Variants in MSANTD1 observed in about 807,000 individuals in gnomAD.
MSANTD1 encodes myb/SANT-like DNA-binding domain-containing protein 1.
In MSANTD1, 7 loss-of-function variants were observed where a neutral mutation model predicts 24.2. That is an observed-to-expected ratio of 0.29 (90% CI 0.16 to 0.54). The LOEUF (loss-of-function observed/expected upper bound fraction) is 0.54, where lower values mean the gene tolerates loss of function less well. Among genes scored for constraint, MSANTD1 ranks in the 20% least tolerant of loss-of-function variants. The probability of loss-of-function intolerance (pLI) is 0.94; values close to 1 mark genes in which losing one functional copy is unlikely to be tolerated. For synonymous variants in MSANTD1, 177 were observed against 181.1 expected, an observed-to-expected ratio of 0.98 and a Z score of 0.18; for missense variants, 384 against 408.2, an observed-to-expected ratio of 0.94 and a Z score of 0.51.
At chr4:3,248,945 G>A (rs1241162984), upstream of MSANTD1, 4 of 347,432 alleles carry the variant, frequency 1.2e-5, no homozygotes, top group African/African-American at 2.1e-5. Flanking sequence ...CCGCCTGGGC[G>A]GCGGTGAGAG....
intron 1 of MSANTD1, 104 bp from the exon 2 acceptor site, chr4:3,253,103 C>T (rs1422712138): frequency 9.6e-6 from 12 of 1,246,334 alleles, no homozygotes; most frequent in Non-Finnish European, 1.2e-5. Flanking sequence ...CCGAGAGCGG[C>T]TCCTGCCTGT....
At chr4:3,255,649 C>T (rs914569190) in intron 2 of MSANTD1, 76 bp from the exon 3 acceptor site, 13 of 1,434,170 alleles carry the variant, frequency 9.1e-6, no homozygotes, top group East Asian at 5.1e-5. Flanking sequence ...GTAGGATTGT[C>T]GGGAGGGTCC....
rs199592772 is a variant in MSANTD1 at position 3,255,780 on chromosome 4, A to C, written c.652A>C (p.Lys218Gln). 755 of 1,547,044 alleles carry C rather than the reference A, an allele frequency of 4.9e-4. 2 individuals are homozygous for C. Among genetic ancestry groups the C allele is most frequent in the Admixed American group, 1.7e-3 (89 of 51,008 alleles). Residue 218 changes from lysine (K) to glutamine (Q), a missense_variant, in exon 3 of 3, where the codon AAG becomes CAG. Physicochemically the swap from Lys to Gln is moderately conservative, Grantham distance 53. Transcript: ENST00000438480. Reference protein sequence around the residue: ...RKVQSCHLQKKQLRLLEAMVE... With the variant: ...RKVQSCHLQKQQLRLLEAMVE... Reference sequence around the variant, plus strand: ...GGTGCAGAGCTGCCACCTGCAGAAGAAGCAGCTGCGGCTGCTGGAGGCCAT... The same window carrying C: ...GGTGCAGAGCTGCCACCTGCAGAAGCAGCAGCTGCGGCTGCTGGAGGCCAT...
At chr4:3,253,125 G>T (rs1006405189) in intron 1 of MSANTD1, 82 bp from the exon 2 acceptor site, 1 of 1,374,998 alleles carries the variant, frequency 7.3e-7, no homozygotes, top group Non-Finnish European at 9.6e-7. Flanking sequence ...CCGGCGTGGC[G>T]CGCCCCTCTG....
upstream of MSANTD1, chr4:3,248,582 C>T (rs1178622677): frequency 6.6e-6 from 1 of 152,520 alleles, no homozygotes; most frequent in Non-Finnish European, 1.5e-5. Flanking sequence ...CTTCCAGTGT[C>T]CACAGACCTA....
At chr4:3,255,118 A>C (rs1722346994) in intron 2 of MSANTD1, among the ~76,000 whole-genome samples, 1 of 152,182 alleles carries the variant, frequency 6.6e-6, no homozygotes, top group Non-Finnish European at 1.5e-5. Flanking sequence ...GCAGCCCAGA[A>C]CATCCCACCC....
rs147328965 is a variant in MSANTD1 at position 3,249,369 on chromosome 4, C to A, written c.147C>A (p.Ala49=). 1 of 1,568,144 alleles carries A rather than the reference C, an allele frequency of 6.4e-7. No individual in the cohort carries two copies. Among genetic ancestry groups the A allele is most frequent in the Non-Finnish European group, 8.6e-7 (1 of 1,157,064 alleles). Residue 49 remains alanine (A), a synonymous_variant, in exon 1 of 3, where the codon GCC becomes GCA. Transcript: ENST00000438480. ...KHRRARNWTD[A]EMRGLMLVWE... ...GGCGGGCCCGCAACTGGACGGACGC[C>A]GAGATGCGCGGCCTCATGCTGGTCT...
intron 2 of MSANTD1, 94 bp from the exon 3 acceptor site, chr4:3,255,631 T>A: frequency 7.1e-7 from 1 of 1,407,990 alleles, no homozygotes; most frequent in Non-Finnish European, 9.3e-7. Flanking sequence ...AGTTTCCCCA[T>A]TTGCCCAGTA....
intron 1 of MSANTD1, 28 bp downstream of exon 1, chr4:3,249,570 C>T (rs370139944): frequency 6.3e-7 from 1 of 1,583,866 alleles, no homozygotes; most frequent in South Asian, 1.1e-5. Flanking sequence ...GTGGGCCCCA[C>T]CAGGACGGGC....
At position 3,251,924 on chromosome 4, in the gene MSANTD1, G is replaced by A. The variant is rs539825015; in HGVS notation, c.321-1283G>A. On this transcript the variant is annotated intron_variant, in intron 1 of 2. Transcript: ENST00000438480. ...GGGCACCCAGCGCCTGCCCTCACAC[G>A]CTCTGTGCTGGTGTCTTCACAGCCA... Among the ~76,000 whole-genome samples, 16 of 152,284 alleles carry A rather than the reference G, an allele frequency of 1.1e-4. 1 individual carries two copies. The highest frequency in any genetic ancestry group is 3.4e-3 in the Middle Eastern group (1 of 294).
intron 1 of MSANTD1, among the ~76,000 whole-genome samples, chr4:3,250,544 G>A (rs1197577206): frequency 6.6e-6 from 1 of 152,224 alleles, no homozygotes; most frequent in Non-Finnish European, 1.5e-5. Flanking sequence ...AAGGTCACAG[G>A]TGTGGGGTGA....
Position 3,253,347 on chromosome 4 carries a change from C to T in MSANTD1, c.461C>T (p.Ser154Phe). Residue 154 changes from serine (S) to phenylalanine (F), a missense_variant, in exon 2 of 3, where the codon TCC becomes TTC. By Grantham distance (155) the Ser-to-Phe change is radical. Coordinates refer to ENST00000438480, the MANE Select transcript of MSANTD1 (RefSeq NM_001042690.2). ...PDSQPPGPST[S>F]QTEASLSPPA... Reference sequence around the variant, plus strand: ...AGCCAGCCGCCGGGGCCCTCCACGTCCCAGACCGAGGCGTCCCTGTCGCCG... The same window carrying T: ...AGCCAGCCGCCGGGGCCCTCCACGTTCCAGACCGAGGCGTCCCTGTCGCCG... The T allele has an allele frequency of 6.2e-7, 1 of 1,611,296 alleles. No homozygotes were observed. Among genetic ancestry groups the T allele is most frequent in the Non-Finnish European group, 8.5e-7 (1 of 1,178,892 alleles).
At chr4:3,244,817 A>G (rs926980234), upstream of MSANTD1, 2 of 152,306 alleles carry the variant, frequency 1.3e-5, no homozygotes, top group African/African-American at 4.8e-5. Flanking sequence ...TGTCTGTGCC[A>G]GGAGAGACGG....
chr4:3,250,402 C>A (rs752563688), intron 1 of MSANTD1, among the ~76,000 whole-genome samples: 8 of 152,166 alleles, frequency 5.3e-5, no homozygotes, highest in Admixed American at 1.3e-4. Context: ...TCTTAAAGTG[C>A]GTGGGTCCCC....
Position 3,255,944 on chromosome 4 carries a change from C to G in MSANTD1, c.816C>G (p.Ile272Met), listed in dbSNP as rs1722376933. The G allele has an allele frequency of 1.3e-6, 2 of 1,539,478 alleles. No individual in the cohort carries two copies. Among genetic ancestry groups the G allele is most frequent in the African/African-American group, 1.4e-5 (1 of 72,758 alleles). ...QERMMSLLER[I>M]ITKSSV ...GCATGATGAGTCTGCTGGAGAGGAT[C>G]ATCACCAAGTCCAGCGTCTAGGCCA... Residue 272 changes from isoleucine (I) to methionine (M), a missense_variant, in exon 3 of 3, where the codon ATC becomes ATG. Ile to Met is a conservative substitution (Grantham distance 10). Transcript: ENST00000438480.
chr4:3,249,235 G>A lies in MSANTD1; in HGVS notation c.13G>A (p.Ala5Thr). 1.4e-6 allele frequency: 2 copies of A among 1,423,724 alleles called. No homozygotes were observed. 88.2% of individuals were successfully genotyped at this position (1,423,724 alleles called of 1,614,324 possible). The change falls in exon 1 of 3, where the codon GCC (alanine) becomes ACC (threonine). Residue 5 changes from alanine to threonine, a missense_variant. Ala to Thr is a moderately conservative substitution (Grantham distance 58). Transcript: ENST00000438480. ...GCGCCTCCCGCCCATGGTGCGTGGG[G>A]CCGGGCCGGGGCCCTCGCTGAGCGC... Reference protein sequence around the residue: MVRGAGPGPSLSALS... With the variant: MVRGTGPGPSLSALS...
chr4:3,246,987 G>A (rs538274295), upstream of MSANTD1, among the ~76,000 whole-genome samples: 9 of 152,316 alleles, frequency 5.9e-5, no homozygotes, highest in Non-Finnish European at 1.0e-4. Context: ...GCAGGCAGGG[G>A]TGTAGGTGCC....
At chr4:3,246,929 G>A (rs1445396133), upstream of MSANTD1, among the ~76,000 whole-genome samples, 2 of 152,096 alleles carry the variant, frequency 1.3e-5, no homozygotes. Flanking sequence ...GTGTGGGGTG[G>A]CACCCTGCCA....
intron 1 of MSANTD1, among the ~76,000 whole-genome samples, chr4:3,253,004 G>A (rs535852952): frequency 3.9e-5 from 6 of 152,314 alleles, no homozygotes; most frequent in East Asian, 3.9e-4. Context: ...ATCTGAGCCC[G>A]TGTAGGTCCT....
Sources: allele counts gnomAD v4.1 joint callset (sites outside exome capture counted in the v4.1 genomes callset), GRCh38; gene constraint gnomAD v4.1.1; transcripts MANE v1.5; gene names NCBI Gene and HGNC (gene_info 2026-07-23, HGNC 2026-07-21).